The following PGS1 variants were observed in gnomAD, a reference collection of about 807,000 sequenced individuals.
The protein encoded by PGS1 is CDP-diacylglycerol--glycerol-3-phosphate 3-phosphatidyltransferase, mitochondrial.
Under a neutral mutation model 58.3 loss-of-function variants are expected in PGS1, and 44 were observed. That is an observed-to-expected ratio of 0.75 (90% CI 0.59 to 0.97). The LOEUF (loss-of-function observed/expected upper bound fraction) is 0.97, where lower values mean the gene tolerates loss of function less well. Among genes scored for constraint, PGS1 ranks in the 50% least tolerant of loss-of-function variants. The pLI is 0.00. For synonymous variants in PGS1, 330 were observed against 311.0 expected (o/e 1.06, Z -0.64); for missense variants, 684 against 731.1 (o/e 0.94, Z 0.74).
At chr17:78,419,840 G>C in intron 9 of PGS1, 165 bp downstream of exon 9, 3 of 1,399,260 alleles carry the variant, frequency 2.1e-6, no homozygotes, top group Non-Finnish European at 2.8e-6. Context: ...CTCAAAGTTA[G>C]AAGCTGGATG....
At position 78,400,934 on chromosome 17, in the gene PGS1, T is replaced by C; in HGVS notation, c.880+79T>C. ...CCCGGGAGAGCACAACTCTAGGTGGTTCTGCCACAGGCATAGGGGACTTGG... is the reference window on the plus strand; with the variant it reads ...CCCGGGAGAGCACAACTCTAGGTGGCTCTGCCACAGGCATAGGGGACTTGG... On this transcript the variant is annotated intron_variant, in intron 6 of 9. Transcript: ENST00000262764. The surrounding 1 kb of genome is among the most constrained non-coding windows in gnomAD (Gnocchi z 4.4). 7.8e-7 allele frequency: 1 copy of C among 1,286,828 alleles called. No homozygotes were observed. Among genetic ancestry groups the C allele is most frequent in the Non-Finnish European group, 1.1e-6 (1 of 943,704 alleles). 79.7% of individuals were successfully genotyped at this position (1,286,828 alleles called of 1,614,324 possible). A position where few individuals can be genotyped will look rare whatever the true frequency, so the allele number is the denominator to read the frequency against.
chr17:78,399,187 G>A (rs2083464585), intron 4 of PGS1, 161 bp from the exon 5 acceptor site: 1 of 616,874 alleles, frequency 1.6e-6, no homozygotes, highest in Non-Finnish European at 2.9e-6. Context: ...GCAGGACAGA[G>A]GTTGGCCTGG....
At chr17:78,390,887 G>T (rs2082775267) in intron 1 of PGS1, among the ~76,000 whole-genome samples, 1 of 152,126 alleles carries the variant, frequency 6.6e-6, no homozygotes, top group Admixed American at 6.6e-5. Context: ...AATGGTGTGT[G>T]ACCCCACCAA....
At chr17:78,402,820 T>G (rs940381216) in intron 6 of PGS1, among the ~76,000 whole-genome samples, 1 of 152,250 alleles carries the variant, frequency 6.6e-6, no homozygotes, top group Non-Finnish European at 1.5e-5. Context: ...TTCTTTCCCC[T>G]GTCTTCCTGA....
intron 7 of PGS1, among the ~76,000 whole-genome samples, chr17:78,412,144 C>G (rs532226444): frequency 4.9e-4 from 75 of 152,128 alleles, no homozygotes; most frequent in African/African-American, 1.8e-3. Context: ...GTGGGGCATG[C>G]TGGGGTGTGG....
At chr17:78,412,302 G>C (rs924353327) in intron 7 of PGS1, among the ~76,000 whole-genome samples, 1 of 152,106 alleles carries the variant, frequency 6.6e-6, no homozygotes, top group African/African-American at 2.4e-5. Flanking sequence ...AAATAATTCT[G>C]GCGGGGAAGT....
intron 7 of PGS1, 30 bp downstream of exon 7, chr17:78,404,119 A>G (rs2083913036): frequency 6.7e-7 from 1 of 1,482,010 alleles, no homozygotes; most frequent in South Asian, 1.3e-5. Flanking sequence ...AGGACGTTCC[A>G]GTGTGGGACA....
chr17:78,423,770 G>A, intron 9 of PGS1: 2 of 1,170,878 alleles, frequency 1.7e-6, no homozygotes, highest in Non-Finnish European at 2.4e-6. Context: ...CGATGTGCTT[G>A]GTTACAAAGC....
At chr17:78,387,007 G>GAT (rs1427190654) in intron 1 of PGS1, among the ~76,000 whole-genome samples, 8 of 121,682 alleles carry the variant, frequency 6.6e-5, no homozygotes, top group African/African-American at 2.4e-4. Flanking sequence ...TGATGATGAT[G>GAT]GTGATGATGA....
intron 7 of PGS1, among the ~76,000 whole-genome samples, chr17:78,410,142 A>G (rs2146279779): frequency 6.6e-6 from 1 of 151,950 alleles, no homozygotes; most frequent in East Asian, 1.9e-4. Flanking sequence ...AAAACAAAAT[A>G]GGCCAGGTGC....
At chr17:78,416,606 C>A (rs2085210687) in intron 8 of PGS1, among the ~76,000 whole-genome samples, 1 of 152,242 alleles carries the variant, frequency 6.6e-6, no homozygotes, top group Admixed American at 6.5e-5. Context: ...CTGTGGTTAG[C>A]AGCTGCTTTC....
chr17:78,395,104 C>G (rs776885441), intron 2 of PGS1, among the ~76,000 whole-genome samples: 6 of 152,164 alleles, frequency 3.9e-5, no homozygotes, highest in Non-Finnish European at 2.9e-5. Flanking sequence ...CCGAGTAGCA[C>G]GTGTTTCTTC....
chr17:78,395,331 C>A (rs1179948617), intron 2 of PGS1, among the ~76,000 whole-genome samples: 1 of 152,186 alleles, frequency 6.6e-6, no homozygotes, highest in African/African-American at 2.4e-5. Flanking sequence ...AAGGAAATAG[C>A]AACCTTGGGA....
At chr17:78,404,738 G>A (rs185775983) in intron 7 of PGS1, among the ~76,000 whole-genome samples, 6 of 152,242 alleles carry the variant, frequency 3.9e-5, no homozygotes, top group African/African-American at 1.2e-4. Flanking sequence ...TTGGCTCACC[G>A]CAACCTCCTC....
At chr17:78,389,223 G>C (rs1170607883) in intron 1 of PGS1, among the ~76,000 whole-genome samples, 1 of 151,078 alleles carries the variant, frequency 6.6e-6, no homozygotes. Context: ...GTGTCGCTCT[G>C]TTGCCTAGGC....
intron 7 of PGS1, among the ~76,000 whole-genome samples, chr17:78,406,234 C>T (rs994119275): frequency 7.2e-5 from 11 of 152,024 alleles, no homozygotes; most frequent in African/African-American, 1.4e-4. Context: ...AGGAGAATGG[C>T]GTGAACCCGG....
Position 78,398,364 on chromosome 17 carries a change from C to G in PGS1, c.511+13C>G. On this transcript the variant is annotated intron_variant, in intron 4 of 9. Transcript: ENST00000262764. ...CGGGGCTCACGAGGTAGGTGGCATGCAAGCCTGGCCCCTCCTGCTTCCTGT... is the reference window on the plus strand; with the variant it reads ...CGGGGCTCACGAGGTAGGTGGCATGGAAGCCTGGCCCCTCCTGCTTCCTGT... 1 of 1,570,454 alleles carries G rather than the reference C, an allele frequency of 6.4e-7. No individual in the cohort carries two copies. Among genetic ancestry groups the G allele is most frequent in the Non-Finnish European group, 8.8e-7 (1 of 1,140,474 alleles).
At chr17:78,417,959 T>G (rs1254024307) in intron 8 of PGS1, among the ~76,000 whole-genome samples, 2 of 150,666 alleles carry the variant, frequency 1.3e-5, no homozygotes, top group Non-Finnish European at 1.5e-5. Flanking sequence ...TAATGGAGTC[T>G]TGTTCTGTCG....
intron 3 of PGS1, 100 bp from the exon 4 acceptor site, chr17:78,398,152 G>A: frequency 1.2e-6 from 1 of 849,286 alleles, no homozygotes; most frequent in Non-Finnish European, 2.0e-6. Flanking sequence ...TATCTTTGGA[G>A]AAGATGACGA....
Sources: allele counts gnomAD v4.1 joint callset (sites outside exome capture counted in the v4.1 genomes callset), GRCh38; gene constraint gnomAD v4.1.1; non-coding constraint Gnocchi (gnomAD v3.1); transcripts MANE v1.5; gene names NCBI Gene and HGNC (gene_info 2026-07-23, HGNC 2026-07-21).